SP4: variants seen among roughly 807,000 people sequenced by gnomAD.
SP4 encodes the protein transcription factor Sp4.
SP4 carries 19 observed loss-of-function variants against 72.8 expected under a neutral mutation model. The ratio of observed to expected loss-of-function variants is 0.26; its 90% CI spans 0.18 to 0.38. The LOEUF is 0.38. Ranked by LOEUF, SP4 falls within the 10% of genes least tolerant of loss-of-function variation. The pLI, the probability that SP4 is intolerant of heterozygous loss-of-function variation, is 1.00. For missense variants in SP4, 1,008 were observed against 926.3 expected, an observed-to-expected ratio of 1.09 and a Z score of -1.14; for synonymous variants, 395 against 333.1, an observed-to-expected ratio of 1.19 and a Z score of -2.02.
At chr7:21,451,138 T>C (rs1168318604) in intron 3 of SP4, among the ~76,000 whole-genome samples, 1 of 152,174 alleles carries the variant, frequency 6.6e-6, no homozygotes, top group Non-Finnish European at 1.5e-5. Flanking sequence ...TTATGCATGC[T>C]CTCTTGAGCT....
intron 5 of SP4, 150 bp downstream of exon 5, chr7:21,482,273 C>T (rs1208252469): frequency 1.6e-6 from 1 of 626,726 alleles, no homozygotes; most frequent in Non-Finnish European, 2.8e-6. Context: ...TTAAGATGAA[C>T]ATTTTTAACC....
intron 3 of SP4, among the ~76,000 whole-genome samples, chr7:21,448,707 G>A (rs1454832240): frequency 1.3e-5 from 2 of 152,206 alleles, no homozygotes; most frequent in Non-Finnish European, 2.9e-5. Context: ...ACTGATAGGT[G>A]TAAAGTATTA....
chr7:21,478,670 A>T (rs952795717), intron 4 of SP4, among the ~76,000 whole-genome samples: 6 of 152,166 alleles, frequency 3.9e-5, no homozygotes, highest in Non-Finnish European at 8.8e-5. Flanking sequence ...AGAAATGTTT[A>T]TTTGGATCTT....
chr7:21,430,747 G>A lies in SP4; in HGVS notation c.1582G>A (p.Ala528Thr). 1 of 1,614,204 alleles carries A rather than the reference G, an allele frequency of 6.2e-7. No individual in the cohort carries two copies. The highest frequency in any genetic ancestry group is 8.5e-7 in the Non-Finnish European group (1 of 1,180,028). ...APITLNTAQL[A>T]SVPNLQTVSV... is the part of the protein sequence containing the mutation. ...AATAACTTTGAATACTGCCCAGCTT[G>A]CATCAGTGCCTAACCTTCAGACAGT... The change falls in exon 3 of 6, where the codon GCA (alanine) becomes ACA (threonine). Residue 528 changes from alanine (A) to threonine (T), a missense_variant. Ala to Thr is a moderately conservative substitution (Grantham distance 58). Transcript: ENST00000222584.
intron 5 of SP4, among the ~76,000 whole-genome samples, chr7:21,493,199 GAAA>G (rs111403862): frequency 6.8e-6 from 1 of 146,476 alleles, no homozygotes; most frequent in Non-Finnish European, 1.5e-5. Flanking sequence ...GATTCCATGT[GAAA>G]AAAAAAAAAA....
At chr7:21,500,626 G>A (rs1170521756) in intron 5 of SP4, among the ~76,000 whole-genome samples, 1 of 152,054 alleles carries the variant, frequency 6.6e-6, no homozygotes, top group East Asian at 1.9e-4. Context: ...GCTGGCAGTT[G>A]GGAGCCTCCA....
At chr7:21,435,868 G>A (rs889876827) in intron 3 of SP4, among the ~76,000 whole-genome samples, 1 of 151,186 alleles carries the variant, frequency 6.6e-6, no homozygotes, top group Admixed American at 6.6e-5. Flanking sequence ...TTTTAAGAAG[G>A]ACTTCAGGAT....
Position 21,480,572 on chromosome 7 carries a change from A to C in SP4, c.1908-1352A>C, listed in dbSNP as rs1044505366. On this transcript the variant is annotated intron_variant, in intron 4 of 5. Transcript: ENST00000222584. ...TTTTGTTTCTATAAGGTTGGTAGTG[A>C]TATCTCCTCTTTGATTTCTGATTCT... is the stretch of plus-strand genomic sequence containing the variant. Among the ~76,000 whole-genome samples, 4 of 152,092 alleles carry C rather than the reference A, an allele frequency of 2.6e-5. No individual in the cohort carries two copies. The East Asian group carries it at 5.8e-4, about 22-fold the overall frequency.
At chr7:21,459,942 T>A (rs1174794213) in intron 3 of SP4, among the ~76,000 whole-genome samples, 1 of 152,152 alleles carries the variant, frequency 6.6e-6, no homozygotes, top group Non-Finnish European at 1.5e-5. Flanking sequence ...TAAAAGGTAA[T>A]GCATAGAAGT....
At chr7:21,450,661 G>A (rs1257553281) in intron 3 of SP4, among the ~76,000 whole-genome samples, 1 of 152,184 alleles carries the variant, frequency 6.6e-6, no homozygotes, top group Non-Finnish European at 1.5e-5. Context: ...AATAATGCAA[G>A]TGCTTAAACA....
At chr7:21,508,136 C>T (rs985010692) in intron 5 of SP4, among the ~76,000 whole-genome samples, 2 of 152,062 alleles carry the variant, frequency 1.3e-5, no homozygotes, top group Non-Finnish European at 2.9e-5. Flanking sequence ...CCAGGATGCC[C>T]GGACAGAGTG....
intron 3 of SP4, among the ~76,000 whole-genome samples, chr7:21,466,062 C>T (rs1784158899): frequency 6.6e-6 from 1 of 152,126 alleles, no homozygotes; most frequent in African/African-American, 2.4e-5. Flanking sequence ...GTGAAGCCTT[C>T]ATTGTTTCTT....
chr7:21,512,191 G>A lies in SP4; in HGVS notation c.*922G>A, dbSNP rs1420229833. The A allele has an allele frequency of 6.6e-6, 1 of 152,570 alleles. No individual in the cohort carries two copies. Among genetic ancestry groups the A allele is most frequent in the Non-Finnish European group, 1.5e-5 (1 of 68,026 alleles). 9.5% of individuals were successfully genotyped at this position (152,570 alleles called of 1,614,324 possible). A position where few individuals can be genotyped will look rare whatever the true frequency, so the allele number is the denominator to read the frequency against. On this transcript the variant is annotated 3_prime_UTR_variant, in exon 6 of 6. Transcript: ENST00000222584. ...CTGTAGTTTCATATTTTGTAAATAT[G>A]AGTTATGTTGACAATGTGCAGAATT... is the stretch of plus-strand genomic sequence containing the variant.
intron 1 of SP4, 23 bp downstream of exon 1, chr7:21,428,281 AG>A: frequency 1.5e-6 from 2 of 1,361,464 alleles, no homozygotes; most frequent in Non-Finnish European, 2.0e-6. Context: ...CACCCCCCTC[AG>A]TCTCCTTCGC....
intron 3 of SP4, among the ~76,000 whole-genome samples, chr7:21,439,952 G>A (rs766673474): frequency 3.2e-4 from 49 of 152,098 alleles, no homozygotes; most frequent in Non-Finnish European, 5.1e-4. Context: ...AGAATCTTTC[G>A]AATAGAAAAA....
chr7:21,504,590 ATATC>A lies in SP4; in HGVS notation c.2108-6429_2108-6426del, dbSNP rs770309281. On this transcript the variant is annotated intron_variant, in intron 5 of 5. Transcript: ENST00000222584. ...TCCTACTTTGGTTTGTTATTCTATG[ATATC>A]TAAGCAGTTCTGGTCTGATGTCTTT... Among the ~76,000 whole-genome samples the A allele has an allele frequency of 5.9e-5, 9 of 152,268 alleles. No individual in the cohort carries two copies. The South Asian group carries it at 1.4e-3, about 25-fold the overall frequency.
intron 5 of SP4, among the ~76,000 whole-genome samples, chr7:21,484,966 C>G (rs574066581): frequency 6.6e-6 from 1 of 151,794 alleles, no homozygotes; most frequent in East Asian, 1.9e-4. Context: ...AATTCATAAT[C>G]CAATATACTT....
At chr7:21,433,920 G>A (rs1239656702) in intron 3 of SP4, among the ~76,000 whole-genome samples, 1 of 151,646 alleles carries the variant, frequency 6.6e-6, no homozygotes. Flanking sequence ...TTCAGCCTGG[G>A]CAACAAGAAC....
At chr7:21,508,725 A>G (rs1352422000) in intron 5 of SP4, among the ~76,000 whole-genome samples, 1 of 151,980 alleles carries the variant, frequency 6.6e-6, no homozygotes, top group African/African-American at 2.4e-5. Context: ...AGACCCTGGA[A>G]TAAGATACCA....
Sources: gnomAD v4.1 joint callset for allele counts (sites outside exome capture counted in the v4.1 genomes callset) on GRCh38, gnomAD v4.1.1 for gene constraint, MANE v1.5 for transcripts, NCBI Gene and HGNC (gene_info 2026-07-23, HGNC 2026-07-21) for gene names.